The following TBC1D19 variants were observed in gnomAD, a reference collection of about 807,000 sequenced individuals.
TBC1D19 encodes TBC1 domain family, member 19.
Under a neutral mutation model 89.0 loss-of-function variants are expected in TBC1D19, and 60 were observed. That is an observed-to-expected ratio of 0.67 (90% CI 0.55 to 0.84). The LOEUF is 0.84. Among genes scored for constraint, TBC1D19 ranks in the 40% least tolerant of loss-of-function variants. The probability of loss-of-function intolerance (pLI) is 0.00; values close to 1 mark genes in which losing one functional copy is unlikely to be tolerated. For synonymous variants in TBC1D19, 189 were observed against 199.7 expected (o/e 0.95, Z 0.45); for missense variants, 500 against 610.8 (o/e 0.82, Z 1.91).
chr4:26,585,109 G>A, intron 1 of TBC1D19: 1 of 422,072 alleles, frequency 2.4e-6, no homozygotes, highest in Admixed American at 2.6e-5. Flanking sequence ...ATACATTCTA[G>A]TATACGATTT....
the TBC1D19 span, among the ~76,000 whole-genome samples, chr4:26,797,513 C>T: frequency 6.6e-6 from 1 of 152,084 alleles, no homozygotes; most frequent in Admixed American, 6.6e-5. Context: ...AAATTACCAA[C>T]ATCATTTTTA....
chr4:26,686,895 T>C (rs1713859508), intron 12 of TBC1D19, among the ~76,000 whole-genome samples: 1 of 152,220 alleles, frequency 6.6e-6, no homozygotes, highest in Non-Finnish European at 1.5e-5. Context: ...TTGAATTTTA[T>C]AGACTGTTAG....
chr4:26,633,060 T>C (rs1742897407), intron 4 of TBC1D19, among the ~76,000 whole-genome samples: 1 of 152,186 alleles, frequency 6.6e-6, no homozygotes, highest in East Asian at 1.9e-4. Flanking sequence ...TGATTGACTC[T>C]CTTGTAAATC....
chr4:26,847,674 A>G, the TBC1D19 span, among the ~76,000 whole-genome samples: 1 of 152,178 alleles, frequency 6.6e-6, no homozygotes, highest in South Asian at 2.1e-4. Flanking sequence ...AGAGAACATG[A>G]CCTCTTGCAG....
the TBC1D19 span, among the ~76,000 whole-genome samples, chr4:26,785,122 T>C: frequency 6.6e-6 from 1 of 152,160 alleles, no homozygotes; most frequent in African/African-American, 2.4e-5. Context: ...TTAGAAGCCA[T>C]TTCAGATCTA....
chr4:26,678,405 A>G (rs1713032075), intron 11 of TBC1D19, among the ~76,000 whole-genome samples: 1 of 152,200 alleles, frequency 6.6e-6, no homozygotes, highest in African/African-American at 2.4e-5. Flanking sequence ...TTCTCCAAAG[A>G]TGATTTTGAG....
In TBC1D19 at chr4:26,697,579, A is replaced by G. The variant is rs542761451; in HGVS notation, c.954+9172A>G. Among the ~76,000 whole-genome samples, 3 of 152,086 alleles carry G rather than the reference A, an allele frequency of 2.0e-5. No homozygotes were observed. The East Asian group carries it at 5.8e-4, about 29-fold the overall frequency. ...AACAAAAAAAGAGAATTTTGGACCA[A>G]TATCCCTGATCAACATTGATGCAAA... On this transcript the variant is annotated intron_variant, in intron 13 of 20. Coordinates refer to ENST00000264866, the MANE Select transcript of TBC1D19 (RefSeq NM_018317.4).
intron 1 of TBC1D19, among the ~76,000 whole-genome samples, chr4:26,602,841 GTAT>G (rs1257916068): frequency 6.6e-6 from 1 of 151,572 alleles, no homozygotes; most frequent in Non-Finnish European, 1.5e-5. Flanking sequence ...ATTATTAATT[GTAT>G]TACATCTCAT....
At chr4:26,637,641 G>T (rs1400516548) in intron 5 of TBC1D19, among the ~76,000 whole-genome samples, 1 of 151,986 alleles carries the variant, frequency 6.6e-6, no homozygotes, top group Non-Finnish European at 1.5e-5. Flanking sequence ...CAAAGTGCTG[G>T]GATTACAGAT....
the TBC1D19 span, among the ~76,000 whole-genome samples, chr4:26,848,922 G>A: frequency 1.3e-5 from 2 of 152,272 alleles, no homozygotes; most frequent in South Asian, 4.1e-4. Context: ...GCTGGGTGTG[G>A]TGTCTCACAC....
chr4:26,756,623 G>A (rs1305593843), downstream of TBC1D19, among the ~76,000 whole-genome samples: 3 of 152,096 alleles, frequency 2.0e-5, no homozygotes, highest in African/African-American at 4.8e-5. Context: ...AGGACCTGTA[G>A]GACCAAATGA....
At chr4:26,624,174 T>C (rs1159349262) in intron 4 of TBC1D19, among the ~76,000 whole-genome samples, 4 of 152,268 alleles carry the variant, frequency 2.6e-5, no homozygotes, top group African/African-American at 9.6e-5. Flanking sequence ...CTTGTTTTCC[T>C]GTCCTGGAAA....
At chr4:26,816,832 G>A in the TBC1D19 span, among the ~76,000 whole-genome samples, 1 of 152,076 alleles carries the variant, frequency 6.6e-6, no homozygotes, top group African/African-American at 2.4e-5. Flanking sequence ...TTAAAGAATG[G>A]AAAAAAAGCT....
At chr4:26,714,850 G>A (rs75031383) in intron 13 of TBC1D19, among the ~76,000 whole-genome samples, 2,299 of 151,994 alleles carry the variant, frequency 0.015, 55 homozygotes, top group African/African-American at 0.051. Flanking sequence ...GACACTCTGC[G>A]TCTCCCAGCA....
chr4:26,844,573 G>C, the TBC1D19 span, among the ~76,000 whole-genome samples: 1 of 152,124 alleles, frequency 6.6e-6, no homozygotes, highest in Non-Finnish European at 1.5e-5. Context: ...TAGTGACTCA[G>C]GATCATTATT....
chr4:26,656,328 G>T (rs1744801763), intron 7 of TBC1D19, among the ~76,000 whole-genome samples: 1 of 151,500 alleles, frequency 6.6e-6, no homozygotes, highest in Non-Finnish European at 1.5e-5. Context: ...TATTAATTGA[G>T]GCATATTATA....
At chr4:26,698,058 G>A (rs537363356) in intron 13 of TBC1D19, among the ~76,000 whole-genome samples, 33 of 152,302 alleles carry the variant, frequency 2.2e-4, no homozygotes, top group African/African-American at 7.2e-4. Flanking sequence ...ATTAGGAAAA[G>A]AGGAAGTCAA....
the TBC1D19 span, among the ~76,000 whole-genome samples, chr4:26,857,115 C>T: frequency 2.6e-5 from 4 of 152,174 alleles, no homozygotes; most frequent in Admixed American, 1.3e-4. Context: ...GAGTTACTTC[C>T]ACGGTGTCAC....
At chr4:26,849,183 A>G in the TBC1D19 span, among the ~76,000 whole-genome samples, 1 of 124,422 alleles carries the variant, frequency 8.0e-6, no homozygotes, top group Non-Finnish European at 1.7e-5. Context: ...GTCAAAATAA[A>G]TGATACACAC....
Sources: gnomAD v4.1 joint callset for allele counts (sites outside exome capture counted in the v4.1 genomes callset) on GRCh38, gnomAD v4.1.1 for gene constraint, MANE v1.5 for transcripts, NCBI Gene and HGNC (gene_info 2026-07-23, HGNC 2026-07-21) for gene names.